ACER3: variants seen among roughly 807,000 people sequenced by gnomAD.
The protein encoded by ACER3 is alkaline ceramidase 3.
A neutral mutation model predicts 48.9 loss-of-function variants in ACER3; 16 were observed. The ratio of observed to expected loss-of-function variants is 0.33; its 90% confidence interval spans 0.22 to 0.50. The LOEUF (loss-of-function observed/expected upper bound fraction) is 0.50. Among genes scored for constraint, ACER3 ranks in the 20% least tolerant of loss-of-function variants. The pLI, the probability that ACER3 is intolerant of heterozygous loss-of-function variation, is 0.98. For missense variants in ACER3, 227 were observed against 326.0 expected (o/e 0.70, Z 2.34); for synonymous variants, 109 against 107.8 (o/e 1.01, Z -0.07).
At chr11:76,861,191 C>A in intron 1 of ACER3, 112 bp downstream of exon 1, 1 of 1,104,332 alleles carries the variant, frequency 9.1e-7, no homozygotes, top group Non-Finnish European at 1.3e-6. Flanking sequence ...CCAGGCCTGG[C>A]CCCGGGAGCT....
Position 76,965,873 on chromosome 11 carries a change from A to G in ACER3, c.267+6842A>G, listed in dbSNP as rs1161028154. Among the ~76,000 whole-genome samples, 6 of 151,342 alleles carry G rather than the reference A, an allele frequency of 4.0e-5. No homozygotes were observed. The East Asian group carries it at 7.7e-4, about 19-fold the overall frequency. ...AAAAACATGCCAAATTGTAAAGACC[A>G]TCAAGGCTAGGAAGAAACTACATCA... is the stretch of plus-strand genomic sequence containing the variant. On this transcript the variant is annotated intron_variant, in intron 3 of 10. Coordinates refer to ENST00000532485, the MANE Select transcript of ACER3 (RefSeq NM_018367.7).
At chr11:77,017,641 C>A (rs957668800) in intron 9 of ACER3, among the ~76,000 whole-genome samples, 4 of 152,100 alleles carry the variant, frequency 2.6e-5, no homozygotes, top group Non-Finnish European at 5.9e-5. Flanking sequence ...CATATGCAAC[C>A]ACAAAAGGCC....
chr11:76,884,681 A>G (rs1218986927), intron 1 of ACER3, among the ~76,000 whole-genome samples: 1 of 152,136 alleles, frequency 6.6e-6, no homozygotes, highest in Non-Finnish European at 1.5e-5. Context: ...TGCTTTAAGT[A>G]TTTTGAGGCT....
intron 3 of ACER3, among the ~76,000 whole-genome samples, chr11:76,965,516 G>A (rs1591002615): frequency 1.3e-5 from 2 of 151,216 alleles, no homozygotes; most frequent in South Asian, 4.2e-4. Flanking sequence ...TCAGATTCAC[G>A]AAAGCTGAAA....
intron 1 of ACER3, among the ~76,000 whole-genome samples, chr11:76,910,576 G>A (rs544311724): frequency 4.6e-5 from 7 of 152,196 alleles, no homozygotes; most frequent in Admixed American, 3.3e-4. Context: ...AAATTAAGGC[G>A]CAAGGTGGTT....
intron 1 of ACER3, among the ~76,000 whole-genome samples, chr11:76,902,531 C>T (rs940048129): frequency 2.0e-5 from 3 of 152,140 alleles, no homozygotes; most frequent in Non-Finnish European, 2.9e-5. Context: ...GGTTGGCAAC[C>T]GCAGCTGCAG....
chr11:76,958,716 C>T, intron 2 of ACER3: 2 of 471,834 alleles, frequency 4.2e-6, no homozygotes, highest in Admixed American at 3.4e-5. Context: ...TCAGATAATA[C>T]ATTTTACAGA....
In ACER3 at chr11:76,967,650, TAAA is replaced by T. The variant is rs1377541987; in HGVS notation, c.267+8620_267+8622del. ...GGCTGGTTCAACATAGGCAAATCAA[TAAA>T]CGTAATCCAGCATATAAACAGAACC... is the stretch of plus-strand genomic sequence containing the variant. On this transcript the variant is annotated intron_variant, in intron 3 of 10. Coordinates refer to ENST00000532485, the MANE Select transcript of ACER3 (RefSeq NM_018367.7). Among the ~76,000 whole-genome samples, 5 of 152,194 alleles carry T rather than the reference TAAA, an allele frequency of 3.3e-5. No individual in the cohort carries two copies. The East Asian group carries it at 7.7e-4, about 23-fold the overall frequency.
intron 8 of ACER3, among the ~76,000 whole-genome samples, chr11:77,016,167 T>C (rs1262227178): frequency 6.7e-6 from 1 of 149,816 alleles, no homozygotes; most frequent in Non-Finnish European, 1.5e-5. Flanking sequence ...GAGGAACCTA[T>C]AGATTAAGAG....
intron 2 of ACER3, among the ~76,000 whole-genome samples, chr11:76,944,432 G>A (rs567747092): frequency 6.6e-6 from 1 of 152,122 alleles, no homozygotes; most frequent in East Asian, 1.9e-4. Context: ...TGCTTCTCTG[G>A]GAAAGACTTT....
intron 1 of ACER3, among the ~76,000 whole-genome samples, chr11:76,884,918 C>A (rs1389146256): frequency 5.9e-5 from 9 of 152,124 alleles, no homozygotes; most frequent in African/African-American, 1.4e-4. Context: ...CATGTGCCAC[C>A]ATGCCCAGCT....
intron 1 of ACER3, among the ~76,000 whole-genome samples, chr11:76,889,080 A>G (rs584031): frequency 6.6e-6 from 1 of 152,192 alleles, no homozygotes; most frequent in Non-Finnish European, 1.5e-5. Flanking sequence ...GTAGCCCCAC[A>G]AGCATCTCAG....
intron 2 of ACER3, among the ~76,000 whole-genome samples, chr11:76,943,678 T>C (rs2134936954): frequency 6.6e-6 from 1 of 152,050 alleles, no homozygotes; most frequent in South Asian, 2.1e-4. Flanking sequence ...GTCCATTTGG[T>C]CTAAAGTCCA....
At chr11:76,947,899 T>TCA (rs1947518109) in intron 2 of ACER3, among the ~76,000 whole-genome samples, 1 of 152,098 alleles carries the variant, frequency 6.6e-6, no homozygotes, top group Non-Finnish European at 1.5e-5. Context: ...ACAGGACCAA[T>TCA]CAGAGATGCA....
At chr11:76,968,935 T>G (rs1948218142) in intron 3 of ACER3, among the ~76,000 whole-genome samples, 1 of 152,132 alleles carries the variant, frequency 6.6e-6, no homozygotes, top group Non-Finnish European at 1.5e-5. Context: ...AAGCCAAAGT[T>G]GACAAATGGG....
intron 7 of ACER3, among the ~76,000 whole-genome samples, chr11:77,010,387 A>C (rs547500093): frequency 6.7e-6 from 1 of 150,166 alleles, no homozygotes; most frequent in African/African-American, 2.4e-5. Flanking sequence ...GCTGAATTGA[A>C]GTGTTTAAAA....
intron 1 of ACER3, among the ~76,000 whole-genome samples, chr11:76,872,787 T>C (rs1276393075): frequency 6.6e-6 from 1 of 152,170 alleles, no homozygotes; most frequent in Non-Finnish European, 1.5e-5. Flanking sequence ...GACTTTAATG[T>C]GTATGTGGAT....
intron 1 of ACER3, among the ~76,000 whole-genome samples, chr11:76,884,970 T>G (rs1179105039): frequency 6.6e-6 from 1 of 152,142 alleles, no homozygotes; most frequent in Non-Finnish European, 1.5e-5. Context: ...TTTGCCATGT[T>G]GCCCAGGCTG....
At chr11:76,906,277 G>A (rs551390233) in intron 1 of ACER3, among the ~76,000 whole-genome samples, 2 of 152,284 alleles carry the variant, frequency 1.3e-5, no homozygotes, top group Admixed American at 1.3e-4. Context: ...TGTAATTTCT[G>A]TAATCCCTTA....
Sources: allele counts gnomAD v4.1 joint callset (sites outside exome capture counted in the v4.1 genomes callset), GRCh38; gene constraint gnomAD v4.1.1; transcripts MANE v1.5; gene names NCBI Gene and HGNC (gene_info 2026-07-23, HGNC 2026-07-21).